GALNS: variants seen among roughly 807,000 people sequenced by gnomAD.
The protein encoded by GALNS is galactosamine (N-acetyl)-6-sulfatase.
Under a neutral mutation model 65.9 loss-of-function variants are expected in GALNS, and 65 were observed. The observed-to-expected ratio is 0.99, with a 90% confidence interval of 0.81 to 1.21. GALNS has a LOEUF of 1.21. Ranked by LOEUF, GALNS falls within the 50% of genes most tolerant of loss-of-function variation. The probability of loss-of-function intolerance (pLI) is 0.00; values close to 1 mark genes in which losing one functional copy is unlikely to be tolerated. For missense variants in GALNS, 776 were observed against 700.7 expected (o/e 1.11, Z -1.21); for synonymous variants, 346 against 288.9 (o/e 1.20, Z -2.00).
chr16:88,822,535 G>T, intron 12 of GALNS, 54 bp downstream of exon 12: 8 of 1,607,454 alleles, frequency 5.0e-6, no homozygotes, highest in Non-Finnish European at 5.9e-6. Context: ...GCCTGCATTT[G>T]GGGGAGTCCG....
chr16:88,834,941 C>T (rs1911954553), intron 8 of GALNS, among the ~76,000 whole-genome samples: 2 of 152,202 alleles, frequency 1.3e-5, no homozygotes, highest in South Asian at 4.1e-4. Context: ...TCCGGGGTCA[C>T]CCTTCGGGAG....
chr16:88,824,260 G>A (rs1348439623), intron 11 of GALNS, among the ~76,000 whole-genome samples: 4 of 152,138 alleles, frequency 2.6e-5, no homozygotes, highest in Non-Finnish European at 2.9e-5. Context: ...CTTGAGGCGA[G>A]GGCTCGTGGG....
rs1327557657 is a variant in GALNS at position 88,835,713 on chromosome 16, G to T, written c.758+12C>A. The T allele has an allele frequency of 1.9e-6, 3 of 1,613,888 alleles. No homozygotes were observed. In the Admixed American group the frequency reaches 5.0e-5, roughly 27 times the overall value. ...TCCAGCGAGGTCTATGCTCCATGGA[G>T]CCAGGACTCACCGCCCTCGCTGACT... On this transcript the variant is annotated intron_variant, in intron 7 of 13. Coordinates refer to ENST00000268695, the MANE Select transcript of GALNS (RefSeq NM_000512.5).
chr16:88,844,785 T>C (rs1327881575), intron 1 of GALNS: 1 of 152,254 alleles, frequency 6.6e-6, no homozygotes, highest in Non-Finnish European at 1.5e-5. Flanking sequence ...AATGCAAATA[T>C]GGATATTTAG....
At chr16:88,839,516 C>T (rs530776084) in intron 4 of GALNS, among the ~76,000 whole-genome samples, 6 of 152,376 alleles carry the variant, frequency 3.9e-5, no homozygotes, top group African/African-American at 1.4e-4. Flanking sequence ...CCTGCACACC[C>T]GCGTGGCTTC....
At chr16:88,850,536 G>A (rs977135822) in intron 1 of GALNS, among the ~76,000 whole-genome samples, 2 of 152,104 alleles carry the variant, frequency 1.3e-5, no homozygotes, top group African/African-American at 2.4e-5. Flanking sequence ...GGGGCTCCAC[G>A]CTCACCACTG....
rs1471723103 is a variant in GALNS, at chr16:88,846,721, T to TAC, written c.121-3893_121-3892insGT. Among the ~76,000 whole-genome samples, 13 of 152,176 alleles carry TAC rather than the reference T, an allele frequency of 8.5e-5. No individual in the cohort carries two copies. In the East Asian group the frequency reaches 2.5e-3, roughly 29 times the overall value. ...TCATGCTCAGCTAGTTTTTGTATTT[T>TAC]TAGTAGAGACGGGGTTTCGCCATGT... On this transcript the variant is annotated intron_variant, in intron 1 of 13. Coordinates refer to ENST00000268695, the MANE Select transcript of GALNS (RefSeq NM_000512.5).
At chr16:88,856,570 C>CCCCCCGGGGGGG in intron 1 of GALNS, 188 bp downstream of exon 1, 1 of 610,120 alleles carries the variant, frequency 1.6e-6, no homozygotes, top group Non-Finnish European at 3.0e-6. Context: ...TCCCCCTCCC[C>CCCCCCGGGGGGG]GCACGGGGAT....
intron 1 of GALNS, among the ~76,000 whole-genome samples, chr16:88,847,942 C>T (rs919342430): frequency 2.6e-5 from 4 of 152,236 alleles, no homozygotes; most frequent in Admixed American, 1.3e-4. Flanking sequence ...CTGGAAACAC[C>T]CGGATGCCCA....
intron 1 of GALNS, 99 bp from the exon 2 acceptor site, chr16:88,842,928 G>T: frequency 2.6e-6 from 4 of 1,549,466 alleles, no homozygotes; most frequent in Non-Finnish European, 8.7e-7. Flanking sequence ...GGGGACCGTG[G>T]AAGCCAGCAC....
At chr16:88,841,203 G>T in intron 3 of GALNS, 109 bp from the exon 4 acceptor site, 1 of 840,012 alleles carries the variant, frequency 1.2e-6, no homozygotes, top group Admixed American at 1.9e-5. Context: ...CAGGACACTG[G>T]CCCCTCGGGG....
chr16:88,841,175 T>C, intron 3 of GALNS, 81 bp from the exon 4 acceptor site: 1 of 1,062,098 alleles, frequency 9.4e-7, no homozygotes. Flanking sequence ...CACTGGGGGC[T>C]GCGTCCACAC....
chr16:88,846,105 T>C (rs185630380), intron 1 of GALNS, among the ~76,000 whole-genome samples: 5 of 152,368 alleles, frequency 3.3e-5, no homozygotes, highest in Admixed American at 2.6e-4. Flanking sequence ...GTGGTTGAGA[T>C]ACTGGGAACA....
rs866557489 is a variant in GALNS, at chr16:88,835,658, C to T, written c.758+67G>A. On this transcript the variant is annotated intron_variant, in intron 7 of 13. Transcript: ENST00000268695. ...CCTAAATGCCACGGTACTGAGTGTC[C>T]CATCTCTGGAGTCAAGCACAGCTGG... 16 of 1,607,966 alleles carry T rather than the reference C, an allele frequency of 1.0e-5. No homozygotes were observed. In the African/African-American group the frequency reaches 1.6e-4, roughly 16 times the overall value.
intron 10 of GALNS, among the ~76,000 whole-genome samples, chr16:88,826,028 G>C (rs1397529456): frequency 1.3e-5 from 2 of 152,160 alleles, no homozygotes; most frequent in East Asian, 3.9e-4. Flanking sequence ...GATTTGGACA[G>C]AAGGTAAGAG....
At chr16:88,838,025 C>G in intron 4 of GALNS, 1 of 495,660 alleles carries the variant, frequency 2.0e-6, no homozygotes, top group Non-Finnish European at 3.7e-6. Context: ...GTTCCCTGCA[C>G]GGTGAAGGGT....
chr16:88,852,186 C>T (rs1245001883), intron 1 of GALNS, among the ~76,000 whole-genome samples: 1 of 152,222 alleles, frequency 6.6e-6, no homozygotes, highest in East Asian at 1.9e-4. Flanking sequence ...GCAATATTTA[C>T]TATTCTGCAA....
At chr16:88,816,209 T>C in intron 13 of GALNS, 3 of 985,440 alleles carry the variant, frequency 3.0e-6, no homozygotes, top group Non-Finnish European at 3.6e-6. Flanking sequence ...AGCCAGGCTG[T>C]GTGCGCCCAC....
chr16:88,823,745 G>A (rs1910501098), intron 11 of GALNS, among the ~76,000 whole-genome samples: 1 of 145,364 alleles, frequency 6.9e-6, no homozygotes, highest in Non-Finnish European at 1.5e-5. Context: ...AATGCCCGGG[G>A]AACGATGCCC....
Sources: gnomAD v4.1 joint callset for allele counts (sites outside exome capture counted in the v4.1 genomes callset) on GRCh38, gnomAD v4.1.1 for gene constraint, MANE v1.5 for transcripts, NCBI Gene and HGNC (gene_info 2026-07-23, HGNC 2026-07-21) for gene names.